The following GABRG1 variants were observed in gnomAD, a reference collection of about 807,000 sequenced individuals.
GABRG1 encodes the protein gamma-aminobutyric acid receptor subunit gamma-1.
In GABRG1, 49 loss-of-function variants were observed where a neutral mutation model predicts 49.8. The observed-to-expected ratio is 0.98, with a 90% confidence interval of 0.78 to 1.25. GABRG1 has a LOEUF of 1.25. Among genes scored for constraint, GABRG1 ranks in the 50% most tolerant of loss-of-function variants. The pLI is 0.00. For synonymous variants in GABRG1, 232 were observed against 185.1 expected, an observed-to-expected ratio of 1.25 and a Z score of -2.06; for missense variants, 552 against 552.3, an observed-to-expected ratio of 1.00 and a Z score of 0.01.
At chr4:46,104,998 A>G (rs1366887573) in intron 1 of GABRG1, among the ~76,000 whole-genome samples, 1 of 151,474 alleles carries the variant, frequency 6.6e-6, no homozygotes, top group African/African-American at 2.4e-5. Context: ...GGATTTATAA[A>G]AGGTAATTCA....
rs570827029 is a variant in GABRG1 at position 46,054,036 on chromosome 4, G to T, written c.917-2398C>A. On this transcript the variant is annotated intron_variant, in intron 7 of 8. Transcript: ENST00000295452. The stretch of plus-strand genomic sequence containing the variant: ...AATTGATTTTTGTATAAGGTGTAAG[G>T]AAGGGATCCAGTTTCAGCTTTCTAC... Among the ~76,000 whole-genome samples the T allele has an allele frequency of 5.5e-4, 21 of 37,920 alleles. 8 individuals carry two copies. The highest frequency in any genetic ancestry group is 3.7e-3 in the African/African-American group (21 of 5,640). 24.9% of individuals were successfully genotyped at this position (37,920 alleles called of 152,430 possible). A position where few individuals can be genotyped will look rare whatever the true frequency, so the allele number is the denominator to read the frequency against.
intron 1 of GABRG1, among the ~76,000 whole-genome samples, chr4:46,104,681 TTTTAACACTC>T (rs1228619386): frequency 6.6e-6 from 1 of 151,470 alleles, no homozygotes; most frequent in Non-Finnish European, 1.5e-5. Flanking sequence ...CTAGTTGGGA[TTTTAACACTC>T]TTTAAACAAT....
At position 46,123,915 on chromosome 4, in the gene GABRG1, G is replaced by C. The variant is rs1345990743; in HGVS notation, c.-2C>G. The C allele has an allele frequency of 1.7e-5, 27 of 1,612,538 alleles. No homozygotes were observed. The highest frequency in any genetic ancestry group is 2.3e-5 in the Non-Finnish European group (27 of 1,178,884). On this transcript the variant is annotated 5_prime_UTR_variant, in exon 1 of 9. Transcript: ENST00000295452. The stretch of plus-strand genomic sequence containing the variant: ...GAGAAAAGCTTTCAAAGGACCCATC[G>C]GAATCGCTTTTTTACGTGTGCTGCA...
intron 1 of GABRG1, among the ~76,000 whole-genome samples, chr4:46,117,514 ACT>A (rs976772722): frequency 2.1e-5 from 3 of 144,396 alleles, no homozygotes; most frequent in Non-Finnish European, 4.6e-5. Flanking sequence ...AAACTGTGAG[ACT>A]CTACCTTTGG....
chr4:46,097,129 A>G, intron 2 of GABRG1, 72 bp downstream of exon 2: 2 of 1,269,456 alleles, frequency 1.6e-6, no homozygotes, highest in East Asian at 2.6e-5. Context: ...AATAAGAAAT[A>G]ATGATTAAAA....
chr4:46,119,821 C>A (rs371252733), intron 1 of GABRG1, among the ~76,000 whole-genome samples: 18 of 151,616 alleles, frequency 1.2e-4, no homozygotes, highest in African/African-American at 4.3e-4. Flanking sequence ...GCATAAGCTG[C>A]ATTTAAAAGA....
intron 1 of GABRG1, among the ~76,000 whole-genome samples, chr4:46,099,543 A>G (rs996934476): frequency 4.6e-5 from 7 of 151,690 alleles, no homozygotes; most frequent in African/African-American, 1.4e-4. Flanking sequence ...GGATGGTCCA[A>G]TTTTATTTGT....
chr4:46,108,919 G>A (rs1720639433), intron 1 of GABRG1, among the ~76,000 whole-genome samples: 1 of 150,916 alleles, frequency 6.6e-6, no homozygotes, highest in African/African-American at 2.4e-5. Context: ...TTCTGCCCTT[G>A]CATTGATAAC....
At chr4:46,065,333 G>T in intron 4 of GABRG1, 31 bp downstream of exon 4, 3 of 1,382,346 alleles carry the variant, frequency 2.2e-6, no homozygotes, top group South Asian at 1.3e-5. Flanking sequence ...AAATAAATGA[G>T]AGCAACTACA....
chr4:46,038,508 A>G lies in GABRG1; in HGVS notation c.*2480T>C, dbSNP rs1415654878. ...GCATCCAGGAAAATCAAGTTCCAAT[A>G]AATTCAATAAATTATTATATAACTC... On this transcript the variant is annotated 3_prime_UTR_variant, in exon 9 of 9. Coordinates refer to ENST00000295452, the MANE Select transcript of GABRG1 (RefSeq NM_173536.4). 6.6e-6 allele frequency: 1 copy of G among 151,612 alleles called. No homozygotes were observed. The highest frequency in any genetic ancestry group is 1.5e-5 in the Non-Finnish European group (1 of 67,670). The allele number at this position is 151,612 out of a possible 1,614,324, so 9.4% of individuals were successfully genotyped here. A position where few individuals can be genotyped will look rare whatever the true frequency, so the allele number is the denominator to read the frequency against.
chr4:46,105,315 C>T (rs140928348), intron 1 of GABRG1, among the ~76,000 whole-genome samples: 58 of 151,440 alleles, frequency 3.8e-4, no homozygotes, highest in African/African-American at 1.2e-3. Context: ...ACGAAAAAAC[C>T]AAACTGGCTT....
Position 46,038,176 on chromosome 4 carries a change from C to T in GABRG1, c.*2812G>A, listed in dbSNP as rs1009709570. 2 of 151,656 alleles carry T rather than the reference C, an allele frequency of 1.3e-5. No homozygotes were observed. The highest frequency in any genetic ancestry group is 3.0e-5 in the Non-Finnish European group (2 of 67,704). 9.4% of individuals were successfully genotyped at this position (151,656 alleles called of 1,614,324 possible). ...ACTGGGAAATTTTTCCCTGTCCCTGCTAAATTCTCAAGTATTCTATGTATT... is the reference window on the plus strand; with the variant it reads ...ACTGGGAAATTTTTCCCTGTCCCTGTTAAATTCTCAAGTATTCTATGTATT... On this transcript the variant is annotated 3_prime_UTR_variant, in exon 9 of 9. Coordinates refer to ENST00000295452, the MANE Select transcript of GABRG1 (RefSeq NM_173536.4).
intron 1 of GABRG1, among the ~76,000 whole-genome samples, chr4:46,101,724 A>G (rs190202889): frequency 3.4e-4 from 52 of 151,894 alleles, no homozygotes; most frequent in East Asian, 2.0e-4. Flanking sequence ...CTATGATTAT[A>G]TAACTTTTTT....
Position 46,097,190 on chromosome 4 carries a change from C to G in GABRG1, c.253+11G>C. ...GGTCATCAAAATCCCAGAATGGTAACTCAAGCTTACCTCCTATATCTGGAC... is the reference window on the plus strand; with the variant it reads ...GGTCATCAAAATCCCAGAATGGTAAGTCAAGCTTACCTCCTATATCTGGAC... On this transcript the variant is annotated intron_variant, in intron 2 of 8. Transcript: ENST00000295452. 1 of 1,592,752 alleles carries G rather than the reference C, an allele frequency of 6.3e-7. No individual in the cohort carries two copies. Among genetic ancestry groups the G allele is most frequent in the South Asian group, 1.1e-5 (1 of 88,012 alleles).
At chr4:46,101,145 A>AAGGAGTCGCACACT (rs1383004171) in intron 1 of GABRG1, among the ~76,000 whole-genome samples, 1 of 150,996 alleles carries the variant, frequency 6.6e-6, no homozygotes, top group Admixed American at 6.8e-5. Flanking sequence ...TTTTAAAAAT[A>AAGGAGTCGCACACT]ATACTCTGAG....
chr4:46,078,975 A>C (rs1719461175), intron 3 of GABRG1, among the ~76,000 whole-genome samples: 2 of 151,942 alleles, frequency 1.3e-5, no homozygotes, highest in South Asian at 4.1e-4. Context: ...AATAAAGGAA[A>C]AACAATATTA....
rs181336828 is a variant in GABRG1 at position 46,076,668 on chromosome 4, G to A, written c.321+7318C>T. On this transcript the variant is annotated intron_variant, in intron 3 of 8. Transcript: ENST00000295452. ...TAGACATTCATTCTGTCAGAACATT[G>A]CCCACAAACCTGCCCTGAGGCCAGA... Among the ~76,000 whole-genome samples, 218 of 151,356 alleles carry A rather than the reference G, an allele frequency of 1.4e-3. 1 individual carries two copies. The highest frequency in any genetic ancestry group is 3.4e-3 in the Admixed American group (51 of 15,142).
At chr4:46,053,606 G>T (rs13140445) in intron 7 of GABRG1, among the ~76,000 whole-genome samples, 34,655 of 151,724 alleles carry the variant, frequency 0.23, 5,144 homozygotes, top group Non-Finnish European at 0.33. Flanking sequence ...TGTTCCCATC[G>T]TCAGCCCAGG....
chr4:46,090,025 A>T (rs529329880), intron 2 of GABRG1, among the ~76,000 whole-genome samples: 1 of 152,186 alleles, frequency 6.6e-6, no homozygotes, highest in South Asian at 2.1e-4. Context: ...TAACTGGATG[A>T]ACAAAACCTT....
Sources: allele counts gnomAD v4.1 joint callset (sites outside exome capture counted in the v4.1 genomes callset), GRCh38; gene constraint gnomAD v4.1.1; transcripts MANE v1.5; gene names NCBI Gene and HGNC (gene_info 2026-07-23, HGNC 2026-07-21).